The following NPHP4 variants were observed in gnomAD, a reference collection of about 807,000 sequenced individuals.
The protein encoded by NPHP4 is nephrocystin 4.
Under a neutral mutation model 155.8 loss-of-function variants are expected in NPHP4, and 151 were observed. That is an observed-to-expected ratio of 0.97 (90% confidence interval 0.85 to 1.11). NPHP4 has a LOEUF of 1.11. NPHP4 is among the 50% of genes least tolerant of loss of function. NPHP4 has a pLI of 0.00. For missense variants in NPHP4, 1,956 were observed against 1,925.7 expected (o/e 1.02, Z -0.29); for synonymous variants, 845 against 816.8 (o/e 1.03, Z -0.59).
rs1338559837 is a variant in NPHP4, at chr1:5,986,238, G to C, written c.52C>G (p.Pro18Ala). The C allele has an allele frequency of 6.2e-7, 1 of 1,613,912 alleles. No homozygotes were observed. Among genetic ancestry groups the C allele is most frequent in the Admixed American group, 1.7e-5 (1 of 60,004 alleles). The change falls in exon 2 of 30, where the codon CCA (proline) becomes GCA (alanine). Residue 18 changes from proline to alanine, a missense_variant. Pro to Ala is a conservative substitution (Grantham distance 27, BLOSUM62 -1). Transcript: ENST00000378156. ...TTCCAAGGCTGGCGCGCTCTCTGTG[G>C]GTGGGGAGGGACAAGCACGTTTTGG... ...FTQNVLVPPH[P>A]QRARQPWKES...
intron 23 of NPHP4, among the ~76,000 whole-genome samples, chr1:5,871,839 G>T (rs998335019): frequency 6.6e-6 from 1 of 152,184 alleles, no homozygotes; most frequent in Non-Finnish European, 1.5e-5. Context: ...CGATGCCGAG[G>T]TCTGCGTTGA....
chr1:5,868,061 G>A (rs1386756796), intron 23 of NPHP4, 165 bp from the exon 24 acceptor site: 1 of 787,468 alleles, frequency 1.3e-6, no homozygotes, highest in Admixed American at 2.0e-5. Flanking sequence ...GACTGAGTCT[G>A]CAGCAGCAGG....
chr1:5,874,596 C>G lies in NPHP4; in HGVS notation c.3106G>C (p.Val1036Leu), dbSNP rs1297137772. Residue 1036 changes from valine to leucine, a missense_variant, in exon 22 of 30, where the codon GTG becomes CTG. Coordinates refer to ENST00000378156, the MANE Select transcript of NPHP4 (RefSeq NM_015102.5). ...FKGAAGLHTPVEEDMFHLRGS... is the reference protein window; with the variant it reads ...FKGAAGLHTPLEEDMFHLRGS... Reference sequence around the variant, plus strand: ...CGCAGGTGGAACATGTCCTCCTCCACCGGTGTGTGCAGGCCAGCAGCACCC... The same window carrying G: ...CGCAGGTGGAACATGTCCTCCTCCAGCGGTGTGTGCAGGCCAGCAGCACCC... 6.2e-7 allele frequency: 1 copy of G among 1,611,682 alleles called. No individual in the cohort carries two copies. The highest frequency in any genetic ancestry group is 1.3e-5 in the African/African-American group (1 of 74,976).
intron 1 of NPHP4, among the ~76,000 whole-genome samples, chr1:5,989,688 G>C (rs908509619): frequency 2.6e-5 from 4 of 152,232 alleles, no homozygotes; most frequent in Admixed American, 6.5e-5. Context: ...GCCCCAGGTG[G>C]GGATTTCAGA....
chr1:5,966,916 G>A (rs768500525), intron 5 of NPHP4, among the ~76,000 whole-genome samples: 41 of 152,346 alleles, frequency 2.7e-4, no homozygotes, highest in Admixed American at 5.2e-4. Flanking sequence ...GCTCTAAGGC[G>A]GCCTCTCAGC....
At chr1:5,888,068 A>G (rs906030466) in intron 17 of NPHP4, among the ~76,000 whole-genome samples, 3 of 152,120 alleles carry the variant, frequency 2.0e-5, no homozygotes, top group African/African-American at 4.8e-5. Flanking sequence ...GGGAGGGGCC[A>G]TGGGGCACGA....
At chr1:5,974,439 G>A (rs1460035685) in intron 3 of NPHP4, among the ~76,000 whole-genome samples, 1 of 152,128 alleles carries the variant, frequency 6.6e-6, no homozygotes, top group African/African-American at 2.4e-5. Context: ...AGAATCCAAG[G>A]GAAAAGTATG....
At position 5,867,661 on chromosome 1, in the gene NPHP4, A is replaced by G; in HGVS notation, c.3472+79T>C. On this transcript the variant is annotated intron_variant, in intron 24 of 29. Coordinates refer to ENST00000378156, the MANE Select transcript of NPHP4 (RefSeq NM_015102.5). The surrounding 1 kb of genome is among the most constrained non-coding windows in gnomAD (Gnocchi z 4.1). Reference sequence around the variant, plus strand: ...CACCAGGGCATGAAGCCATGAGGCCATCTGTCACCCTCAAGAGGTATCTAC... The same window carrying G: ...CACCAGGGCATGAAGCCATGAGGCCGTCTGTCACCCTCAAGAGGTATCTAC... 1 of 1,457,252 alleles carries G rather than the reference A, an allele frequency of 6.9e-7. No homozygotes were observed. Among genetic ancestry groups the G allele is most frequent in the Non-Finnish European group, 9.4e-7 (1 of 1,061,462 alleles). 90.3% of individuals were successfully genotyped at this position (1,457,252 alleles called of 1,614,324 possible).
chr1:5,874,558 G>C lies in NPHP4; in HGVS notation c.3144C>G (p.Ala1048=), dbSNP rs540738356. 264 of 1,605,766 alleles carry C rather than the reference G, an allele frequency of 1.6e-4. 3 individuals carry two copies. In the South Asian group the frequency reaches 2.8e-3, roughly 17 times the overall value. ...CGTGGGGGCGCAGGTAGAGCTGGGG[G>C]GCCAGGCTGCCACGCAGGTGGAACA... ...EDMFHLRGSL[A]PQLYLRPHET... Residue 1048 remains alanine, a synonymous_variant, in exon 22 of 30, where the codon GCC becomes GCG. Coordinates refer to ENST00000378156, the MANE Select transcript of NPHP4 (RefSeq NM_015102.5).
chr1:5,949,095 A>G (rs1647379686), intron 7 of NPHP4, among the ~76,000 whole-genome samples: 1 of 152,192 alleles, frequency 6.6e-6, no homozygotes, highest in South Asian at 2.1e-4. Context: ...AAATACAAAG[A>G]TAGTAAAAAT....
rs773199041 is a variant in NPHP4 at position 5,863,287 on chromosome 1, C to T, written c.4259G>A (p.Cys1420Tyr). Residue 1420 changes from cysteine (C) to tyrosine (Y), a missense_variant, in exon 30 of 30, where the codon TGC becomes TAC. By Grantham distance (194) the Cys-to-Tyr change is radical. Transcript: ENST00000378156. ...CCCTCACTGGTAGATGACCTTCACGCAAAATGCCTCTTCGTTTTTGTCCTC... is the reference window on the plus strand; with the variant it reads ...CCCTCACTGGTAGATGACCTTCACGTAAAATGCCTCTTCGTTTTTGTCCTC... ...DHEDKNEEAF[C>Y]VKVIYQ is the part of the protein sequence containing the mutation. 3 of 1,613,934 alleles carry T rather than the reference C, an allele frequency of 1.9e-6. No homozygotes were observed. The highest frequency in any genetic ancestry group is 2.5e-6 in the Non-Finnish European group (3 of 1,179,906).
chr1:5,887,008 G>A (rs1163647327), intron 18 of NPHP4: 1 of 425,164 alleles, frequency 2.4e-6, no homozygotes. Context: ...GACTGTCCCG[G>A]AGATCCTCCA....
In NPHP4 at chr1:5,889,457, C is replaced by G. The variant is rs1382900311; in HGVS notation, c.2304+1411G>C. On this transcript the variant is annotated intron_variant, in intron 17 of 29. Coordinates refer to ENST00000378156, the MANE Select transcript of NPHP4 (RefSeq NM_015102.5). This position sits in a 1 kb window ranked among gnomAD's most constrained non-coding sequence, Gnocchi z 4.2. ...GTCTATGTCAACAAGCGTAACGGCACTTGTTTAAGGGGCTCTTCGTGTAGG... is the reference window on the plus strand; with the variant it reads ...GTCTATGTCAACAAGCGTAACGGCAGTTGTTTAAGGGGCTCTTCGTGTAGG... Among the ~76,000 whole-genome samples the G allele has an allele frequency of 6.6e-6, 1 of 152,202 alleles. No individual in the cohort carries two copies. Among genetic ancestry groups the G allele is most frequent in the Non-Finnish European group, 1.5e-5 (1 of 68,034 alleles).
In NPHP4 at chr1:5,889,782, A is replaced by G. The variant is rs1644021140; in HGVS notation, c.2304+1086T>C. On this transcript the variant is annotated intron_variant, in intron 17 of 29. Transcript: ENST00000378156. The surrounding 1 kb of genome is among the most constrained non-coding windows in gnomAD (Gnocchi z 4.2). ...GTGGGGCCCTTGCCATGACCCCAAC[A>G]GGAACAGAGGCCCAGGGTGAGGCAT... 6.6e-6 allele frequency among the ~76,000 whole-genome samples: 1 copy of G among 152,202 alleles called. No homozygotes were observed. The highest frequency in any genetic ancestry group is 2.1e-4 in the South Asian group (1 of 4,832).
At chr1:5,916,878 G>C (rs1046617243) in intron 11 of NPHP4, among the ~76,000 whole-genome samples, 2 of 152,250 alleles carry the variant, frequency 1.3e-5, no homozygotes, top group African/African-American at 4.8e-5. Context: ...AGGAGGACAG[G>C]CTGCTTCTTA....
At chr1:5,864,634 G>A in intron 27 of NPHP4, 117 bp from the exon 28 acceptor site, 2 of 1,015,200 alleles carry the variant, frequency 2.0e-6, no homozygotes, top group Non-Finnish European at 2.8e-6. Context: ...GTGGTTCCGG[G>A]GCGGCCAAAT....
chr1:5,960,720 C>G (rs72859116), intron 6 of NPHP4, among the ~76,000 whole-genome samples: 3,178 of 152,286 alleles, frequency 0.021, 93 homozygotes, highest in African/African-American at 0.07. Context: ...CTGGAAGAAG[C>G]ATGCAGCCCA....
chr1:5,886,530 T>C (rs1312928525), intron 18 of NPHP4: 1 of 152,178 alleles, frequency 6.6e-6, no homozygotes, highest in East Asian at 1.9e-4. Context: ...TTATTGTGTT[T>C]TCAATTCTGC....
chr1:5,865,136 A>G lies in NPHP4; in HGVS notation c.3782T>C (p.Val1261Ala). ...CTGGGGATGAGAGGTGAAAGCTCTC[A>G]CTTTCCTCACTGTCTGTGTCCCCCG... ...VLRGTQTVRK[V>A]RAFTSHPQEL... Residue 1261 changes from valine to alanine, a missense_variant, in exon 27 of 30, where the codon GTG (valine) becomes GCG (alanine). Val to Ala is a moderately conservative substitution (Grantham distance 64, BLOSUM62 0). Coordinates refer to ENST00000378156, the MANE Select transcript of NPHP4 (RefSeq NM_015102.5). The G allele has an allele frequency of 6.2e-7, 1 of 1,613,660 alleles. No homozygotes were observed. The highest frequency in any genetic ancestry group is 8.5e-7 in the Non-Finnish European group (1 of 1,179,814).
Sources: gnomAD v4.1 joint callset for allele counts (sites outside exome capture counted in the v4.1 genomes callset) on GRCh38, gnomAD v4.1.1 for gene constraint, Gnocchi (gnomAD v3.1) non-coding constraint, MANE v1.5 for transcripts, NCBI Gene and HGNC (gene_info 2026-07-23, HGNC 2026-07-21) for gene names.